SERPINB4: variants seen among roughly 807,000 people sequenced by gnomAD.
SERPINB4 encodes serpin family B member 4.
In SERPINB4, 39 loss-of-function variants were observed where a neutral mutation model predicts 33.2. That is an observed-to-expected ratio of 1.18 (90% CI 0.91 to 1.53). The LOEUF is 1.53. SERPINB4 is among the 40% of genes most tolerant of loss of function. SERPINB4 has a pLI of 0.00. For missense variants in SERPINB4, 564 were observed against 455.4 expected (o/e 1.24, Z -2.17); for synonymous variants, 191 against 166.4 (o/e 1.15, Z -1.14).
rs1241788249 is a variant in SERPINB4 at position 63,641,998 on chromosome 18, C to A, written c.223-110G>T. ...AAATGCTGGTAGTCTCATTGAGGAC[C>A]TTTGATGTTATTCCCTGATAATTGG... On this transcript the variant is annotated intron_variant, in intron 3 of 7. Transcript: ENST00000341074. The A allele has an allele frequency of 2.7e-6, 4 of 1,475,492 alleles. No individual in the cohort carries two copies. In the Admixed American group the frequency reaches 7.2e-5, roughly 27 times the overall value. The allele number at this position is 1,475,492 out of a possible 1,614,324, so 91.4% of individuals were successfully genotyped here.
Position 63,641,675 on chromosome 18 carries a change from A to G in SERPINB4, c.351+85T>C, listed in dbSNP as rs191507419. On this transcript the variant is annotated intron_variant, in intron 4 of 7. Transcript: ENST00000341074. ...CTCTCCACCTGAGTCGGCCAGGCTC[A>G]TCTGCCTTGCTTTCTTCCATTTGGC... The G allele has an allele frequency of 9.3e-6, 15 of 1,607,632 alleles. No individual in the cohort carries two copies. In the East Asian group the frequency reaches 1.8e-4, roughly 19 times the overall value.
chr18:63,643,074 G>C (rs1913189054), intron 3 of SERPINB4, 87 bp downstream of exon 3: 10 of 1,546,264 alleles, frequency 6.5e-6, no homozygotes, highest in Non-Finnish European at 8.9e-6. Flanking sequence ...CCTAAAACTG[G>C]CCTTTTCTTA....
intron 7 of SERPINB4, among the ~76,000 whole-genome samples, chr18:63,638,736 T>C (rs1913023480): frequency 7.0e-6 from 1 of 142,766 alleles, no homozygotes; most frequent in Non-Finnish European, 1.5e-5. Context: ...ATAGATGGAA[T>C]TAAATCATAG....
At chr18:63,643,875 A>C (rs867136004) in intron 1 of SERPINB4, among the ~76,000 whole-genome samples, 2 of 152,048 alleles carry the variant, frequency 1.3e-5, no homozygotes, top group African/African-American at 4.8e-5. Context: ...GTTACACTAG[A>C]GCTAGGTAGG....
rs1378449328 is a variant in SERPINB4, at chr18:63,637,318, A to G, written c.*401T>C. On this transcript the variant is annotated 3_prime_UTR_variant, in exon 8 of 8. Coordinates refer to ENST00000341074, the MANE Select transcript of SERPINB4 (RefSeq NM_002974.4). ...TTATAGAATCACAAAATTTAGAAAC[A>G]TAAGAAGGATTTAGGTATCACCTAA... 6.3e-6 allele frequency: 1 copy of G among 158,254 alleles called. No individual in the cohort carries two copies. Among genetic ancestry groups the G allele is most frequent in the Non-Finnish European group, 1.4e-5 (1 of 72,454 alleles). 9.8% of individuals were successfully genotyped at this position (158,254 alleles called of 1,614,324 possible). A position where few individuals can be genotyped will look rare whatever the true frequency, so the allele number is the denominator to read the frequency against.
At chr18:63,641,295 T>G (rs1913122238) in intron 4 of SERPINB4, among the ~76,000 whole-genome samples, 1 of 152,104 alleles carries the variant, frequency 6.6e-6, no homozygotes, top group Admixed American at 6.6e-5. Flanking sequence ...CTCAGACTTC[T>G]CTCCAGTAAT....
At chr18:63,641,633 T>C (rs1340013345) in intron 4 of SERPINB4, 127 bp downstream of exon 4, 5 of 1,399,264 alleles carry the variant, frequency 3.6e-6, no homozygotes, top group Non-Finnish European at 2.0e-6. Context: ...ATGGAGCTAA[T>C]GCACTCTGAG....
rs2144462053 is a variant in SERPINB4 at position 63,637,995 on chromosome 18, C to T, written c.897G>A (p.Leu299=). The change falls in exon 8 of 8, where the codon TTG becomes TTA. Residue 299 remains leucine, a synonymous_variant. Coordinates refer to ENST00000341074, the MANE Select transcript of SERPINB4 (RefSeq NM_002974.4). ...MEESYDLKDT[L]RTMGMVNIFN... ...AGATATTCACCATTCCCATGGTTCT[C>T]AACGTGTCCTTGAGGTCATAGCTCT... 1 of 1,613,646 alleles carries T rather than the reference C, an allele frequency of 6.2e-7. No homozygotes were observed. Among genetic ancestry groups the T allele is most frequent in the Non-Finnish European group, 8.5e-7 (1 of 1,179,766 alleles).
At chr18:63,639,001 G>C (rs1913033226) in intron 7 of SERPINB4, among the ~76,000 whole-genome samples, 184 bp downstream of exon 7, 2 of 152,012 alleles carry the variant, frequency 1.3e-5, no homozygotes, top group Middle Eastern at 6.8e-3. Context: ...CAAAAACTAA[G>C]CTTTCAGTTT....
chr18:63,643,293 G>A, intron 2 of SERPINB4, 76 bp from the exon 3 acceptor site: 4 of 1,611,856 alleles, frequency 2.5e-6, no homozygotes, highest in African/African-American at 1.3e-5. Context: ...ACAGTTATGG[G>A]AATTCCTGCA....
intron 4 of SERPINB4, 127 bp from the exon 5 acceptor site, chr18:63,641,118 A>G (rs1156251991): frequency 5.4e-6 from 4 of 741,340 alleles, no homozygotes; most frequent in African/African-American, 1.8e-5. Context: ...TCTCCTGTCC[A>G]TGGATATTTT....
chr18:63,643,652 G>C (rs972202823), intron 1 of SERPINB4, 49 bp from the exon 2 acceptor site: 32 of 1,525,808 alleles, frequency 2.1e-5, no homozygotes, highest in African/African-American at 2.8e-5. Flanking sequence ...AAATGGAATG[G>C]TATTTTGTAG....
intron 3 of SERPINB4, chr18:63,642,829 T>C: frequency 4.0e-6 from 1 of 250,146 alleles, no homozygotes. Flanking sequence ...GATTTTTTCT[T>C]ACCCTTAGTT....
At chr18:63,639,505 A>G (rs113967534) in intron 6 of SERPINB4, 129 bp downstream of exon 6, 12 of 1,002,876 alleles carry the variant, frequency 1.2e-5, no homozygotes, top group South Asian at 1.1e-4. Context: ...TAAAGTTATA[A>G]GAGTAAAACA....
Position 63,640,906 on chromosome 18 carries a change from T to A in SERPINB4, c.437A>T (p.Lys146Met), listed in dbSNP as rs1434620943. The A allele has an allele frequency of 6.2e-7, 1 of 1,612,720 alleles. No homozygotes were observed. The highest frequency in any genetic ancestry group is 8.5e-7 in the Non-Finnish European group (1 of 1,179,262). Reference sequence around the variant, plus strand: ...TTGACTTTCCACCCAGGAGTTAATCTTCTTTCGACTTTCTTCTGGAGCATT... The same window carrying A: ...TTGACTTTCCACCCAGGAGTTAATCATCTTTCGACTTTCTTCTGGAGCATT... Reference protein sequence around the residue: ...FANAPEESRKKINSWVESQTN... With the variant: ...FANAPEESRKMINSWVESQTN... Residue 146 changes from lysine (K) to methionine (M), a missense_variant, in exon 5 of 8, where the codon AAG becomes ATG. By Grantham distance (95) the Lys-to-Met change is moderately conservative. Transcript: ENST00000341074.
Position 63,639,717 on chromosome 18 carries a change from C to G in SERPINB4, c.529G>C (p.Val177Leu), listed in dbSNP as rs761470477. 4 of 1,611,962 alleles carry G rather than the reference C, an allele frequency of 2.5e-6. No homozygotes were observed. The highest frequency in any genetic ancestry group is 3.4e-6 in the Non-Finnish European group (4 of 1,178,468). Residue 177 changes from valine to leucine, a missense_variant, in exon 6 of 8, where the codon GTG (valine) becomes CTG (leucine). Val to Leu is a conservative substitution (Grantham distance 32). Coordinates refer to ENST00000341074, the MANE Select transcript of SERPINB4 (RefSeq NM_002974.4). ...TGCCCTTTGAAATAGATTGCGTTCA[C>G]AAGAACCAGTGTCGTATCATTGCCA... ...TIGNDTTLVL[V>L]NAIYFKGQWE...
chr18:63,638,715 T>C (rs1035937226), intron 7 of SERPINB4, among the ~76,000 whole-genome samples: 3 of 148,794 alleles, frequency 2.0e-5, no homozygotes, highest in African/African-American at 7.5e-5. Context: ...AAATTAATCA[T>C]TAACTAAGCC....
At chr18:63,641,365 C>T (rs184303054) in intron 4 of SERPINB4, among the ~76,000 whole-genome samples, 3 of 152,170 alleles carry the variant, frequency 2.0e-5, no homozygotes, top group African/African-American at 7.2e-5. Flanking sequence ...TCAATATTTC[C>T]TGGTACTTCC....
At chr18:63,638,347 A>T (rs1395147033) in intron 7 of SERPINB4, among the ~76,000 whole-genome samples, 3 of 152,002 alleles carry the variant, frequency 2.0e-5, no homozygotes, top group Non-Finnish European at 4.4e-5. Flanking sequence ...TAAAAACAGA[A>T]TCATGTTTTT....
Sources: allele counts gnomAD v4.1 joint callset (sites outside exome capture counted in the v4.1 genomes callset), GRCh38; gene constraint gnomAD v4.1.1; transcripts MANE v1.5; gene names NCBI Gene and HGNC (gene_info 2026-07-23, HGNC 2026-07-21).